EMP2: variants seen among roughly 807,000 people sequenced by gnomAD.
EMP2 encodes the protein epithelial membrane protein 2.
Under a neutral mutation model 13.7 loss-of-function variants are expected in EMP2, and 19 were observed. The observed-to-expected ratio is 1.38, with a 90% CI of 0.97 to 2.03. The LOEUF (loss-of-function observed/expected upper bound fraction) is 2.03, where lower values mean the gene tolerates loss of function less well. Among genes scored for constraint, EMP2 ranks in the 30% most tolerant of loss-of-function variants. EMP2 has a pLI of 0.00. For missense variants in EMP2, 253 were observed against 220.7 expected, an observed-to-expected ratio of 1.15 and a Z score of -0.93; for synonymous variants, 97 against 84.7, an observed-to-expected ratio of 1.15 and a Z score of -0.80.
At chr16:10,578,920 G>T (rs2051002982) in intron 1 of EMP2, among the ~76,000 whole-genome samples, 1 of 152,238 alleles carries the variant, frequency 6.6e-6, no homozygotes, top group Non-Finnish European at 1.5e-5. Flanking sequence ...CCCCAGAAGG[G>T]TCTCCCCTCA....
rs2050889098 is a variant in EMP2, at chr16:10,563,792, A to G, written c.-60-16115T>C. On this transcript the variant is annotated intron_variant, in intron 1 of 4. Coordinates refer to ENST00000359543, the MANE Select transcript of EMP2 (RefSeq NM_001424.6). Reference sequence around the variant, plus strand: ...ATTTCTCCACTCTAAAGTGGGGATGACATTGGTATCCCTACCCCTTGGACT... The same window carrying G: ...ATTTCTCCACTCTAAAGTGGGGATGGCATTGGTATCCCTACCCCTTGGACT... Among the ~76,000 whole-genome samples the G allele has an allele frequency of 2.0e-5, 3 of 152,220 alleles. No individual in the cohort carries two copies. In the South Asian group the frequency reaches 6.2e-4, roughly 32 times the overall value.
At chr16:10,565,414 A>G (rs1440914589) in intron 1 of EMP2, among the ~76,000 whole-genome samples, 2 of 152,214 alleles carry the variant, frequency 1.3e-5, no homozygotes, top group African/African-American at 4.8e-5. Flanking sequence ...CCTCGGAACA[A>G]GAAGGAATTC....
chr16:10,563,335 G>C (rs529249651), intron 1 of EMP2, among the ~76,000 whole-genome samples: 66 of 152,262 alleles, frequency 4.3e-4, no homozygotes, highest in African/African-American at 1.6e-3. Context: ...GGAACTACAG[G>C]CATGCACCAC....
chr16:10,551,608 T>C (rs1040598502), intron 1 of EMP2, among the ~76,000 whole-genome samples: 2 of 152,210 alleles, frequency 1.3e-5, no homozygotes, highest in Non-Finnish European at 2.9e-5. Context: ...AGTTTCACTG[T>C]GTTTGCCAGG....
At chr16:10,553,229 A>G (rs2050801282) in intron 1 of EMP2, among the ~76,000 whole-genome samples, 1 of 152,148 alleles carries the variant, frequency 6.6e-6, no homozygotes, top group Non-Finnish European at 1.5e-5. Context: ...ACTATTCCCG[A>G]CGCCAGTCAG....
rs11859769 is a variant in EMP2, at chr16:10,578,629, C to G, written c.-61+1920G>C. Among the ~76,000 whole-genome samples, 901 of 152,328 alleles carry G rather than the reference C, an allele frequency of 5.9e-3. 8 individuals carry two copies. The highest frequency in any genetic ancestry group is 0.02 in the African/African-American group (845 of 41,572). ...CGCTTCCGCCTGGCCCTGCCCTCAC[C>G]CACTCAGCTGGTCGACTCCGTGGTT... On this transcript the variant is annotated intron_variant, in intron 1 of 4. Transcript: ENST00000359543.
rs371646297 is a variant in EMP2 at position 10,573,930 on chromosome 16, CTTTTTT to C, written c.-61+6613_-61+6618del. On this transcript the variant is annotated intron_variant, in intron 1 of 4. Transcript: ENST00000359543. ...TTCCATATGGGTACAATGGATAAAC[CTTTTTT>C]TTTTTTTTTTTTTTTTTTTGAGACA... 6.0e-5 allele frequency among the ~76,000 whole-genome samples: 5 copies of C among 83,206 alleles called. No homozygotes were observed. The East Asian group carries it at 1.9e-3, about 31-fold the overall frequency. The allele number at this position is 83,206 out of a possible 152,430, so 54.6% of individuals were successfully genotyped here. A position where few individuals can be genotyped will look rare whatever the true frequency, so the allele number is the denominator to read the frequency against.
rs572316005 is a variant in EMP2 at position 10,533,216 on chromosome 16, G to C, written c.317-124C>G. The C allele has an allele frequency of 9.2e-5, 93 of 1,009,418 alleles. No homozygotes were observed. The African/African-American group carries it at 1.5e-3, about 16-fold the overall frequency. The allele number at this position is 1,009,418 out of a possible 1,614,324, so 62.5% of individuals were successfully genotyped here. Reference sequence around the variant, plus strand: ...TTTATTCTTTGTTTATTATTATTTTGTTGTAGAGACAAGATTTTGCCATGT... The same window carrying C: ...TTTATTCTTTGTTTATTATTATTTTCTTGTAGAGACAAGATTTTGCCATGT... On this transcript the variant is annotated intron_variant, in intron 4 of 4. Transcript: ENST00000359543.
At chr16:10,575,628 G>T (rs971981819) in intron 1 of EMP2, among the ~76,000 whole-genome samples, 1 of 152,092 alleles carries the variant, frequency 6.6e-6, no homozygotes, top group Admixed American at 6.5e-5. Flanking sequence ...GCCAAAGCCT[G>T]CAGCAGCTCA....
intron 1 of EMP2, among the ~76,000 whole-genome samples, chr16:10,575,237 C>CTTTTTTTTTTTTTTTTTTTTTTGT (rs2050975629): frequency 1.9e-5 from 1 of 52,500 alleles, no homozygotes; most frequent in Non-Finnish European, 3.6e-5. Flanking sequence ...AGCTTGCATT[C>CTTTTTTTTTTTTTTTTTTTTTTGT]TTTTTTTTTT....
intron 4 of EMP2, among the ~76,000 whole-genome samples, 185 bp from the exon 5 acceptor site, chr16:10,533,277 ATCC>A (rs919000030): frequency 3.7e-4 from 57 of 152,252 alleles, no homozygotes; most frequent in African/African-American, 1.3e-3. Flanking sequence ...AGCTCAAGCA[ATCC>A]TCCTGCCTCG....
At chr16:10,549,209 G>C (rs1315505123) in intron 1 of EMP2, among the ~76,000 whole-genome samples, 1 of 152,198 alleles carries the variant, frequency 6.6e-6, no homozygotes, top group African/African-American at 2.4e-5. Flanking sequence ...AGGACAGTTT[G>C]AGTGACATAC....
intron 3 of EMP2, among the ~76,000 whole-genome samples, chr16:10,539,021 T>C (rs1010895128): frequency 1.3e-5 from 2 of 152,042 alleles, no homozygotes; most frequent in Admixed American, 1.3e-4. Flanking sequence ...TTGCTCACGG[T>C]GGTCTTGAAC....
At position 10,535,144 on chromosome 16, in the gene EMP2, A is replaced by G. The variant is rs566957314; in HGVS notation, c.317-2052T>C. 3.7e-4 allele frequency among the ~76,000 whole-genome samples: 57 copies of G among 152,210 alleles called. No individual in the cohort carries two copies. The South Asian group carries it at 6.5e-3, about 17-fold the overall frequency. Reference sequence around the variant, plus strand: ...CAGAATCCCATCTCTCACATGAGTTAGAGTATCTGCTGCTTGCGTCTAAAG... The same window carrying G: ...CAGAATCCCATCTCTCACATGAGTTGGAGTATCTGCTGCTTGCGTCTAAAG... On this transcript the variant is annotated intron_variant, in intron 4 of 4. Transcript: ENST00000359543.
chr16:10,535,739 A>G (rs1405907894), intron 4 of EMP2, among the ~76,000 whole-genome samples: 3 of 152,178 alleles, frequency 2.0e-5, no homozygotes, highest in Non-Finnish European at 4.4e-5. Context: ...GACAGGATTC[A>G]ATTGCCTTTA....
chr16:10,534,254 T>G (rs1030496662), intron 4 of EMP2, among the ~76,000 whole-genome samples: 1 of 152,082 alleles, frequency 6.6e-6, no homozygotes, highest in African/African-American at 2.4e-5. Context: ...GCAGCAAACT[T>G]TTTGGAGCCA....
In EMP2 at chr16:10,580,026, C is replaced by T. The variant is rs1442953429; in HGVS notation, c.-61+523G>A. Among the ~76,000 whole-genome samples, 1 of 152,204 alleles carries T rather than the reference C, an allele frequency of 6.6e-6. No individual in the cohort carries two copies. The highest frequency in any genetic ancestry group is 1.5e-5 in the Non-Finnish European group (1 of 68,030). On this transcript the variant is annotated intron_variant, in intron 1 of 4. Coordinates refer to ENST00000359543, the MANE Select transcript of EMP2 (RefSeq NM_001424.6). This position sits in a 1 kb window ranked among gnomAD's most constrained non-coding sequence, Gnocchi z 4.3. ...GGAGAGAGGTGTCATCCCAGCAGCG[C>T]CTCCCGGCTCCTCCACCGTTCCTGA...
At chr16:10,533,822 T>C (rs1186937510) in intron 4 of EMP2, among the ~76,000 whole-genome samples, 1 of 152,088 alleles carries the variant, frequency 6.6e-6, no homozygotes, top group African/African-American at 2.4e-5. Flanking sequence ...GTGAAAAATA[T>C]GACTCCCTGG....
Position 10,532,102 on chromosome 16 carries a change from C to T in EMP2, c.*803G>A, listed in dbSNP as rs2050607770. Reference sequence around the variant, plus strand: ...TGACCTGGCCCAGGCACCGTGGTCCCCAACTTCAACGCATCTGAAGCGTTG... The same window carrying T: ...TGACCTGGCCCAGGCACCGTGGTCCTCAACTTCAACGCATCTGAAGCGTTG... On this transcript the variant is annotated 3_prime_UTR_variant, in exon 5 of 5. Transcript: ENST00000359543. 6.5e-6 allele frequency: 1 copy of T among 154,830 alleles called. No individual in the cohort carries two copies. The highest frequency in any genetic ancestry group is 1.5e-5 in the Non-Finnish European group (1 of 68,250). The allele number at this position is 154,830 out of a possible 1,614,324, so 9.6% of individuals were successfully genotyped here.
Sources: allele counts gnomAD v4.1 joint callset (sites outside exome capture counted in the v4.1 genomes callset), GRCh38; gene constraint gnomAD v4.1.1; non-coding constraint Gnocchi (gnomAD v3.1); transcripts MANE v1.5; gene names NCBI Gene and HGNC (gene_info 2026-07-23, HGNC 2026-07-21).